The following ARB2A variants were observed in gnomAD, a reference collection of about 807,000 sequenced individuals.
ARB2A encodes cotranscriptional regulator ARB2A.
At chr5:93,649,002 T>A in the ARB2A span, among the ~76,000 whole-genome samples, 2 of 152,170 alleles carry the variant, frequency 1.3e-5, no homozygotes, top group East Asian at 3.9e-4. Flanking sequence ...TTTACTGTTC[T>A]ACCTATGTTT....
chr5:94,024,395 C>T, the ARB2A span, among the ~76,000 whole-genome samples: 52 of 152,080 alleles, frequency 3.4e-4, no homozygotes, highest in African/African-American at 1.1e-3. Context: ...ATTTTGGATT[C>T]GCTGGCCTCC....
the ARB2A span, chr5:93,863,667 T>A: frequency 6.6e-6 from 1 of 152,052 alleles, no homozygotes; most frequent in East Asian, 1.9e-4. Context: ...ATGGCATGTT[T>A]TATTACTAAT....
the ARB2A span, among the ~76,000 whole-genome samples, chr5:94,004,587 A>C: frequency 1.3e-5 from 2 of 152,010 alleles, no homozygotes; most frequent in Middle Eastern, 3.2e-3. Context: ...ATCTCAAAAA[A>C]AAAAAAAAAT....
At chr5:93,925,480 T>C in the ARB2A span, among the ~76,000 whole-genome samples, 2 of 152,194 alleles carry the variant, frequency 1.3e-5, no homozygotes, top group Non-Finnish European at 2.9e-5. Flanking sequence ...ACACTCTCCA[T>C]GACATGCTAA....
chr5:93,976,546 T>C, the ARB2A span, among the ~76,000 whole-genome samples: 2 of 152,192 alleles, frequency 1.3e-5, no homozygotes, highest in Admixed American at 6.5e-5. Flanking sequence ...GTTTCCCCCT[T>C]TCTGTTCTCA....
chr5:94,061,844 T>C, the ARB2A span, among the ~76,000 whole-genome samples: 1 of 152,226 alleles, frequency 6.6e-6, no homozygotes, highest in Non-Finnish European at 1.5e-5. Context: ...CTCAATATTA[T>C]AGATATCAAT....
At chr5:93,650,124 G>A in the ARB2A span, among the ~76,000 whole-genome samples, 4 of 149,896 alleles carry the variant, frequency 2.7e-5, no homozygotes, top group African/African-American at 9.8e-5. Context: ...TAATCCTACT[G>A]TTCAGAAATA....
chr5:94,043,985 T>C, the ARB2A span, among the ~76,000 whole-genome samples: 4 of 152,260 alleles, frequency 2.6e-5, no homozygotes, highest in Non-Finnish European at 5.9e-5. Context: ...TCAAGAATTA[T>C]GGTACACTTG....
At chr5:93,986,070 C>CGCT in the ARB2A span, among the ~76,000 whole-genome samples, 1 of 146,834 alleles carries the variant, frequency 6.8e-6, no homozygotes, top group African/African-American at 2.5e-5. Flanking sequence ...TCTGCCCGGC[C>CGCT]GCCCCGTCTG....
At chr5:93,934,019 A>G in the ARB2A span, among the ~76,000 whole-genome samples, 1 of 152,170 alleles carries the variant, frequency 6.6e-6, no homozygotes, top group South Asian at 2.1e-4. Context: ...AAACAAAAAA[A>G]AGGAAGATAG....
At chr5:94,064,693 T>A in the ARB2A span, among the ~76,000 whole-genome samples, 1 of 152,174 alleles carries the variant, frequency 6.6e-6, no homozygotes, top group Non-Finnish European at 1.5e-5. Flanking sequence ...ATATTCAAAG[T>A]GCCGAAAGAG....
At chr5:93,810,752 T>C in the ARB2A span, among the ~76,000 whole-genome samples, 1 of 152,070 alleles carries the variant, frequency 6.6e-6, no homozygotes, top group Non-Finnish European at 1.5e-5. Context: ...CTGCCTAATC[T>C]AGTGCTCTTT....
chr5:93,771,493 G>C, the ARB2A span, among the ~76,000 whole-genome samples: 696 of 151,576 alleles, frequency 4.6e-3, 3 homozygotes, highest in Admixed American at 6.9e-3. Flanking sequence ...CACAGCAAAA[G>C]AAACTACCAT....
chr5:93,672,537 T>A, the ARB2A span, among the ~76,000 whole-genome samples: 1 of 152,068 alleles, frequency 6.6e-6, no homozygotes, highest in Non-Finnish European at 1.5e-5. Context: ...CTCAATCTCC[T>A]GACCTTGTGA....
At chr5:93,713,778 T>A in the ARB2A span, among the ~76,000 whole-genome samples, 5 of 152,318 alleles carry the variant, frequency 3.3e-5, no homozygotes, top group East Asian at 9.6e-4. Context: ...TCATTGTCCA[T>A]AAGATAAAAA....
the ARB2A span, among the ~76,000 whole-genome samples, chr5:93,819,693 C>T: frequency 7.9e-5 from 12 of 152,164 alleles, no homozygotes; most frequent in Non-Finnish European, 1.6e-4. Flanking sequence ...ATGTAAAAGA[C>T]TAATTATTTT....
chr5:93,621,756 T>C, the ARB2A span, among the ~76,000 whole-genome samples: 1 of 152,194 alleles, frequency 6.6e-6, no homozygotes, highest in South Asian at 2.1e-4. Flanking sequence ...GACCAAATCA[T>C]ACGGGACGCT....
At chr5:93,986,733 G>C in the ARB2A span, among the ~76,000 whole-genome samples, 1 of 152,134 alleles carries the variant, frequency 6.6e-6, no homozygotes, top group Non-Finnish European at 1.5e-5. Flanking sequence ...CGGTGCTCTC[G>C]GAAACATGTG....
At chr5:93,975,909 G>A in the ARB2A span, among the ~76,000 whole-genome samples, 1 of 151,732 alleles carries the variant, frequency 6.6e-6, no homozygotes, top group Non-Finnish European at 1.5e-5. Context: ...AAGGAGGAGG[G>A]ACTCCTCCCT....
Sources: gnomAD v4.1 joint callset for allele counts (sites outside exome capture counted in the v4.1 genomes callset) on GRCh38, gnomAD v4.1.1 for gene constraint, MANE v1.5 for transcripts, NCBI Gene and HGNC (gene_info 2026-07-23, HGNC 2026-07-21) for gene names.